The following EFCAB9 variants were observed in gnomAD, a reference collection of about 807,000 sequenced individuals.
EFCAB9 encodes the protein EF-hand calcium-binding domain-containing protein 9.
Under a neutral mutation model 15.6 loss-of-function variants are expected in EFCAB9, and 16 were observed. The ratio of observed to expected loss-of-function variants is 1.03; its 90% CI spans 0.69 to 1.56. The LOEUF (loss-of-function observed/expected upper bound fraction) is 1.56, where lower values mean the gene tolerates loss of function less well. EFCAB9 is among the 40% of genes most tolerant of loss of function. The probability of loss-of-function intolerance (pLI) is 0.00; values close to 1 mark genes in which losing one functional copy is unlikely to be tolerated. For synonymous variants in EFCAB9, 76 were observed against 85.4 expected (o/e 0.89, Z 0.61); for missense variants, 208 against 235.4 (o/e 0.88, Z 0.76).
At chr5:172,201,311 G>A (rs923813451) in intron 3 of EFCAB9, among the ~76,000 whole-genome samples, 7 of 152,144 alleles carry the variant, frequency 4.6e-5, no homozygotes, top group South Asian at 2.1e-4. Flanking sequence ...GGAGGTGGAG[G>A]TTACAGTGAG....
intron 2 of EFCAB9, among the ~76,000 whole-genome samples, chr5:172,200,039 A>C (rs1043470522): frequency 2.7e-5 from 4 of 147,348 alleles, no homozygotes; most frequent in Non-Finnish European, 5.9e-5. Context: ...TGGGTTCAAT[A>C]GATCAAGTAG....
chr5:172,201,936 G>A (rs1283321366), intron 3 of EFCAB9, among the ~76,000 whole-genome samples: 1 of 152,170 alleles, frequency 6.6e-6, no homozygotes, highest in Non-Finnish European at 1.5e-5. Context: ...GGCAGCTAAG[G>A]TTGAAAACAA....
chr5:172,199,571 G>A, intron 2 of EFCAB9, 40 bp downstream of exon 2: 1 of 1,533,952 alleles, frequency 6.5e-7, no homozygotes. Context: ...CTTGCTAATG[G>A]GAGCACTGAA....
intron 1 of EFCAB9, 124 bp from the exon 2 acceptor site, chr5:172,199,259 A>G: frequency 8.2e-7 from 1 of 1,225,386 alleles, no homozygotes; most frequent in Middle Eastern, 2.0e-4. Flanking sequence ...GAAACAAAAT[A>G]TTATCATCAT....
rs1338282315 is a variant in EFCAB9, at chr5:172,203,246, A to T, written c.495A>T (p.Thr165=). 1 of 1,535,470 alleles carries T rather than the reference A, an allele frequency of 6.5e-7. No individual in the cohort carries two copies. Among genetic ancestry groups the T allele is most frequent in the African/African-American group, 1.4e-5 (1 of 72,896 alleles). The change falls in exon 4 of 4, where the codon ACA becomes ACT. Residue 165 remains threonine (T), a synonymous_variant. Coordinates refer to ENST00000398186, the MANE Select transcript of EFCAB9 (RefSeq NM_001171183.2). ...ATTATCAGGAATTTAAGCTGTATAC[A>T]ATCATCTACACTGACAAATTACAGA... ...RLNYQEFKLY[T]IIYTDKLQKR...
chr5:172,198,925 A>G (rs1771207010), intron 1 of EFCAB9, among the ~76,000 whole-genome samples: 1 of 152,162 alleles, frequency 6.6e-6, no homozygotes, highest in Non-Finnish European at 1.5e-5. Context: ...AAGGGGAATG[A>G]TTTTGTATTC....
chr5:172,199,468 C>T lies in EFCAB9; in HGVS notation c.222C>T (p.Asn74=), dbSNP rs543065711. 2.5e-5 allele frequency: 39 copies of T among 1,537,190 alleles called. No individual in the cohort carries two copies. In the Middle Eastern group the frequency reaches 5.0e-4, roughly 20 times the overall value. Residue 74 remains asparagine, a synonymous_variant, in exon 2 of 4, where the codon AAC becomes AAT. Coordinates refer to ENST00000398186, the MANE Select transcript of EFCAB9 (RefSeq NM_001171183.2). ...TTGTGTTTGACATGCTGGACTGGAA[C>T]GCTGTGGGCGAGATCGACTTTGAGA... ...INIVFDMLDW[N]AVGEIDFEKF...
Position 172,200,762 on chromosome 5 carries a change from G to A in EFCAB9, c.462+20G>A, listed in dbSNP as rs1293047905. On this transcript the variant is annotated intron_variant, in intron 3 of 3. Transcript: ENST00000398186. ...GACAATGTAAGTACAGATCCAAAAT[G>A]TGGCATGTGTGTGGCAGTCTCTTCC... 8.5e-6 allele frequency: 13 copies of A among 1,528,180 alleles called. No individual in the cohort carries two copies. The African/African-American group carries it at 1.4e-4, about 16-fold the overall frequency. The allele number at this position is 1,528,180 out of a possible 1,614,324, so 94.7% of individuals were successfully genotyped here. A position where few individuals can be genotyped will look rare whatever the true frequency, so the allele number is the denominator to read the frequency against.
chr5:172,201,751 G>A (rs1771259575), intron 3 of EFCAB9, among the ~76,000 whole-genome samples: 1 of 152,154 alleles, frequency 6.6e-6, no homozygotes, highest in Non-Finnish European at 1.5e-5. Context: ...GTGCGCACCT[G>A]TAGTCCCAGC....
intron 1 of EFCAB9, among the ~76,000 whole-genome samples, chr5:172,198,773 G>A (rs1022840574): frequency 1.3e-5 from 2 of 152,072 alleles, no homozygotes; most frequent in Non-Finnish European, 2.9e-5. Flanking sequence ...GTGCCACCAC[G>A]CCTGGCTAAT....
rs1211627814 is a variant in EFCAB9 at position 172,194,285 on chromosome 5, T to C, written c.113T>C (p.Val38Ala). The change falls in exon 1 of 4, where the codon GTG becomes GCG. Residue 38 changes from valine (V) to alanine (A), a missense_variant. By Grantham distance (64) the Val-to-Ala change is moderately conservative. Transcript: ENST00000398186. ...GCAGAATATTTTCATATTCTGGACG[T>C]GCACGGCAAGAACACCTTGAATGGT... ...ALAEYFHILD[V>A]HGKNTLNDVL... The C allele has an allele frequency of 2.0e-6, 3 of 1,537,838 alleles. No individual in the cohort carries two copies. The African/African-American group carries it at 4.1e-5, about 21-fold the overall frequency.
intron 3 of EFCAB9, among the ~76,000 whole-genome samples, chr5:172,201,013 A>C (rs1424954341): frequency 6.6e-6 from 1 of 151,636 alleles, no homozygotes; most frequent in African/African-American, 2.4e-5. Context: ...CAGGAAGATC[A>C]CCTGAGGACA....
intron 3 of EFCAB9, 63 bp downstream of exon 3, chr5:172,200,805 G>T: frequency 6.8e-7 from 1 of 1,459,966 alleles, no homozygotes; most frequent in Non-Finnish European, 9.1e-7. Flanking sequence ...AGAGAAAAAT[G>T]TCCTACTACA....
chr5:172,200,840 G>C lies in EFCAB9; in HGVS notation c.462+98G>C, dbSNP rs1188796479. 8.2e-5 allele frequency: 104 copies of C among 1,261,214 alleles called. No homozygotes were observed. The East Asian group carries it at 2.7e-3, about 32-fold the overall frequency. The allele number at this position is 1,261,214 out of a possible 1,614,324, so 78.1% of individuals were successfully genotyped here. Reference sequence around the variant, plus strand: ...ATATAGGAGAGATGGGAGAGGAGGAGGGAGGGAAAAACCTACTCAAATAAG... The same window carrying C: ...ATATAGGAGAGATGGGAGAGGAGGACGGAGGGAAAAACCTACTCAAATAAG... On this transcript the variant is annotated intron_variant, in intron 3 of 3. Transcript: ENST00000398186.
intron 3 of EFCAB9, among the ~76,000 whole-genome samples, chr5:172,200,950 T>C (rs1228827562): frequency 6.6e-6 from 1 of 152,302 alleles, no homozygotes; most frequent in South Asian, 2.1e-4. Context: ...TGCTGTATCA[T>C]GGCCAGGCTC....
intron 2 of EFCAB9, 82 bp from the exon 3 acceptor site, chr5:172,200,484 T>G (rs1581201207): frequency 1.5e-6 from 2 of 1,369,326 alleles, no homozygotes; most frequent in Non-Finnish European, 1.9e-6. Flanking sequence ...AAGGGGCTGG[T>G]GAAGATATGT....
intron 1 of EFCAB9, among the ~76,000 whole-genome samples, chr5:172,194,566 AT>A (rs1324602154): frequency 1.3e-5 from 2 of 151,942 alleles, no homozygotes; most frequent in African/African-American, 4.8e-5. Context: ...CGCCTGGCTA[AT>A]TTTTTGTATT....
At chr5:172,196,537 C>A (rs940569043) in intron 1 of EFCAB9, among the ~76,000 whole-genome samples, 4 of 152,026 alleles carry the variant, frequency 2.6e-5, no homozygotes, top group Admixed American at 1.3e-4. Flanking sequence ...CCACTACGTC[C>A]GGCTAATTTT....
At chr5:172,201,402 C>G (rs994991297) in intron 3 of EFCAB9, among the ~76,000 whole-genome samples, 10 of 151,874 alleles carry the variant, frequency 6.6e-5, no homozygotes. Flanking sequence ...CAAAAATTAG[C>G]CAGGCGTGGT....
Sources: allele counts gnomAD v4.1 joint callset (sites outside exome capture counted in the v4.1 genomes callset), GRCh38; gene constraint gnomAD v4.1.1; transcripts MANE v1.5; gene names NCBI Gene and HGNC (gene_info 2026-07-23, HGNC 2026-07-21).